DGKG: variants seen among roughly 807,000 people sequenced by gnomAD.
DGKG encodes DAG kinase gamma.
DGKG carries 78 observed loss-of-function variants against 105.3 expected under a neutral mutation model. The ratio of observed to expected loss-of-function variants is 0.74; its 90% CI spans 0.62 to 0.89. DGKG has a LOEUF of 0.89. Ranked by LOEUF, DGKG falls within the 40% of genes least tolerant of loss-of-function variation. The probability of loss-of-function intolerance (pLI) is 0.00; values close to 1 mark genes in which losing one functional copy is unlikely to be tolerated. For synonymous variants in DGKG, 346 were observed against 367.1 expected, an observed-to-expected ratio of 0.94 and a Z score of 0.66; for missense variants, 958 against 1,020.1, an observed-to-expected ratio of 0.94 and a Z score of 0.83.
chr3:186,348,818 A>G (rs2108669804), intron 1 of DGKG, among the ~76,000 whole-genome samples: 1 of 152,240 alleles, frequency 6.6e-6, no homozygotes, highest in South Asian at 2.1e-4. Context: ...TTAGTGTTGC[A>G]CAATGTCTGA....
At chr3:186,311,906 G>T (rs1327904434) in intron 2 of DGKG, among the ~76,000 whole-genome samples, 5 of 129,088 alleles carry the variant, frequency 3.9e-5, no homozygotes, top group Admixed American at 3.5e-4. Context: ...CATGAGGTCA[G>T]GAGATCGAGA....
intron 22 of DGKG, among the ~76,000 whole-genome samples, chr3:186,185,328 C>G (rs1198048264): frequency 2.0e-5 from 3 of 152,224 alleles, no homozygotes; most frequent in African/African-American, 7.2e-5. Context: ...AGTGGTTTCA[C>G]TTCTAGCTCT....
intron 1 of DGKG, among the ~76,000 whole-genome samples, chr3:186,339,766 A>G (rs1578855498): frequency 6.6e-6 from 1 of 152,318 alleles, no homozygotes; most frequent in East Asian, 1.9e-4. Flanking sequence ...TGTGGAGCAC[A>G]AAGTGTCAGC....
intron 20 of DGKG, among the ~76,000 whole-genome samples, chr3:186,221,029 G>A (rs936145463): frequency 1.3e-5 from 2 of 152,168 alleles, no homozygotes; most frequent in South Asian, 2.1e-4. Flanking sequence ...GTGCACGTGC[G>A]GGCACACACA....
chr3:186,196,430 C>T (rs1444317732), intron 21 of DGKG, among the ~76,000 whole-genome samples: 4 of 152,252 alleles, frequency 2.6e-5, no homozygotes, highest in Admixed American at 6.5e-5. Context: ...TGAGCCACTG[C>T]GCCCAGCCTT....
intron 19 of DGKG, among the ~76,000 whole-genome samples, chr3:186,250,093 A>G (rs2108560942): frequency 6.6e-6 from 1 of 152,316 alleles, no homozygotes; most frequent in South Asian, 2.1e-4. Flanking sequence ...ACCTGGCTCC[A>G]GAACAAGGCA....
At chr3:186,301,881 C>A (rs935223954) in intron 3 of DGKG, among the ~76,000 whole-genome samples, 1 of 152,148 alleles carries the variant, frequency 6.6e-6, no homozygotes, top group Non-Finnish European at 1.5e-5. Flanking sequence ...GTAGTTACTT[C>A]AAGCTCTGAG....
intron 22 of DGKG, among the ~76,000 whole-genome samples, chr3:186,183,394 C>T (rs1316686865): frequency 6.6e-6 from 1 of 152,124 alleles, no homozygotes; most frequent in Non-Finnish European, 1.5e-5. Context: ...TATTTGCAAG[C>T]CAAAATGAAA....
At chr3:186,184,424 C>T (rs1024044102) in intron 22 of DGKG, among the ~76,000 whole-genome samples, 1 of 152,026 alleles carries the variant, frequency 6.6e-6, no homozygotes, top group African/African-American at 2.4e-5. Context: ...ATTGTTTTTC[C>T]CAGGAGAAAG....
chr3:186,329,993 T>C (rs1238163544), intron 1 of DGKG, among the ~76,000 whole-genome samples: 1 of 152,222 alleles, frequency 6.6e-6, no homozygotes. Flanking sequence ...TTTTTGACAC[T>C]AGAAAAATGA....
chr3:186,149,029 C>G lies in DGKG; in HGVS notation c.*1061G>C, dbSNP rs567543514. The G allele has an allele frequency of 2.3e-3, 2,276 of 982,182 alleles. 2 individuals are homozygous for G. Among genetic ancestry groups the G allele is most frequent in the Non-Finnish European group, 2.6e-3 (2,171 of 828,654 alleles). 60.8% of individuals were successfully genotyped at this position (982,182 alleles called of 1,614,324 possible). A position where few individuals can be genotyped will look rare whatever the true frequency, so the allele number is the denominator to read the frequency against. On this transcript the variant is annotated 3_prime_UTR_variant, in exon 25 of 25. Transcript: ENST00000265022. Reference sequence around the variant, plus strand: ...ACACGCACACACACACACACACGCGCGCACACACGTTAAGACCATCAGAAG... The same window carrying G: ...ACACGCACACACACACACACACGCGGGCACACACGTTAAGACCATCAGAAG...
chr3:186,261,514 T>C (rs1721773182), intron 15 of DGKG, among the ~76,000 whole-genome samples, 185 bp downstream of exon 15: 1 of 152,116 alleles, frequency 6.6e-6, no homozygotes. Flanking sequence ...TTATCTCCAT[T>C]TTACAGAGGG....
At chr3:186,165,882 G>T (rs988812395) in intron 22 of DGKG, among the ~76,000 whole-genome samples, 1 of 152,186 alleles carries the variant, frequency 6.6e-6, no homozygotes, top group African/African-American at 2.4e-5. Context: ...AAAATAAAAC[G>T]GCAGATTTTA....
intron 7 of DGKG, among the ~76,000 whole-genome samples, chr3:186,281,824 T>A (rs2284835): frequency 2.6e-5 from 4 of 152,032 alleles, no homozygotes; most frequent in African/African-American, 9.7e-5. Context: ...TCTTGGGCTA[T>A]GAAAATAGAA....
chr3:186,346,028 A>G (rs1239116366), intron 1 of DGKG, among the ~76,000 whole-genome samples: 1 of 152,184 alleles, frequency 6.6e-6, no homozygotes, highest in Non-Finnish European at 1.5e-5. Context: ...CGGCCTCCCA[A>G]AGTGCTGGGA....
At position 186,309,316 on chromosome 3, in the gene DGKG, C is replaced by A. The variant is rs77375449; in HGVS notation, c.68-2339G>T. Among the ~76,000 whole-genome samples the A allele has an allele frequency of 3.4e-3, 524 of 152,184 alleles. 7 individuals carry two copies. Among genetic ancestry groups the A allele is most frequent in the African/African-American group, 0.011 (473 of 41,490 alleles). On this transcript the variant is annotated intron_variant, in intron 2 of 24. Coordinates refer to ENST00000265022, the MANE Select transcript of DGKG (RefSeq NM_001346.3). Reference sequence around the variant, plus strand: ...CGGTGCAGAGATGGGCACCATAAAACGTTTAGGACAAGTCAGAACCAGAGA... The same window carrying A: ...CGGTGCAGAGATGGGCACCATAAAAAGTTTAGGACAAGTCAGAACCAGAGA...
intron 22 of DGKG, among the ~76,000 whole-genome samples, chr3:186,187,285 T>A (rs944853808): frequency 6.6e-6 from 1 of 152,216 alleles, no homozygotes; most frequent in Non-Finnish European, 1.5e-5. Context: ...CAGATCAAGA[T>A]GGCAGGAATG....
intron 22 of DGKG, among the ~76,000 whole-genome samples, chr3:186,166,765 G>T (rs1239703127): frequency 6.6e-6 from 1 of 151,966 alleles, no homozygotes. Context: ...TGGGATAGGA[G>T]AGAGGGGGAG....
At chr3:186,239,063 T>C (rs926548001) in intron 20 of DGKG, among the ~76,000 whole-genome samples, 1 of 152,218 alleles carries the variant, frequency 6.6e-6, no homozygotes, top group Admixed American at 6.5e-5. Context: ...AATTTCAAGG[T>C]GTTCTCAAAA....
Sources: gnomAD v4.1 joint callset for allele counts (sites outside exome capture counted in the v4.1 genomes callset) on GRCh38, gnomAD v4.1.1 for gene constraint, MANE v1.5 for transcripts, NCBI Gene and HGNC (gene_info 2026-07-23, HGNC 2026-07-21) for gene names.